The following AMY2B variants were observed in gnomAD, a reference collection of about 807,000 sequenced individuals.
The protein encoded by AMY2B is amylase alpha 2B, also known as alpha-amylase 2B.
Under a neutral mutation model 59.3 loss-of-function variants are expected in AMY2B, and 63 were observed. That is an observed-to-expected ratio of 1.06 (90% CI 0.87 to 1.31). The LOEUF (loss-of-function observed/expected upper bound fraction) is 1.31. AMY2B is among the 50% of genes most tolerant of loss of function. The pLI is 0.00. For missense variants in AMY2B, 635 were observed against 626.7 expected (o/e 1.01, Z -0.14); for synonymous variants, 180 against 198.1 (o/e 0.91, Z 0.77).
chr1:103,555,002 C>T (rs982823763), exon 1 of AMY2B: 2 of 151,998 alleles, frequency 1.3e-5, no homozygotes, highest in African/African-American at 2.4e-5. Flanking sequence ...TGTTATACTT[C>T]CTATTTTTAA....
rs1652405663 is a variant in AMY2B at position 103,577,507 on chromosome 1, T to G, written c.1119T>G (p.Val373=). 6.2e-7 allele frequency: 1 copy of G among 1,611,914 alleles called. No individual in the cohort carries two copies. ...TAATTAAGGATGTTAATGATTGGGTTGGGCCACCAAATAATAATGGAGTAA... is the reference window on the plus strand; with the variant it reads ...TAATTAAGGATGTTAATGATTGGGTGGGGCCACCAAATAATAATGGAGTAA... ...FQNGNDVNDW[V]GPPNNNGVIK... The change falls in exon 8 of 10, where the codon GTT becomes GTG. Residue 373 remains valine, a synonymous_variant. Transcript: ENST00000684275.
At chr1:103,572,871 G>C (rs1239054902) in intron 2 of AMY2B, among the ~76,000 whole-genome samples, 192 bp from the exon 3 acceptor site, 1 of 152,156 alleles carries the variant, frequency 6.6e-6, no homozygotes, top group Non-Finnish European at 1.5e-5. Context: ...ATTTGACCAA[G>C]TGTCTAGAAG....
intron 9 of AMY2B, among the ~76,000 whole-genome samples, chr1:103,578,994 G>T (rs1265554723): frequency 2.0e-5 from 3 of 152,108 alleles, no homozygotes; most frequent in Non-Finnish European, 4.4e-5. Context: ...ATTAAGTTCA[G>T]TTGAGAACAA....
Position 103,571,755 on chromosome 1 carries a change from A to T in AMY2B, c.153A>T (p.Gly51=), listed in dbSNP as rs1652141018. Residue 51 remains glycine (G), a synonymous_variant, in exon 1 of 10, where the codon GGA becomes GGT. Coordinates refer to ENST00000684275, the MANE Select transcript of AMY2B (RefSeq NM_001387437.1). Reference sequence around the variant, plus strand: ...GTGAGCGATATTTAGCTCCCAAGGGATTTGGAGGGGTTCAGGTGGGTATGA... The same window carrying T: ...GTGAGCGATATTTAGCTCCCAAGGGTTTTGGAGGGGTTCAGGTGGGTATGA... ...LECERYLAPK[G]FGGVQVSPPN... is the part of the protein sequence containing the mutation. 1 of 1,611,792 alleles carries T rather than the reference A, an allele frequency of 6.2e-7. No homozygotes were observed. Among genetic ancestry groups the T allele is most frequent in the Non-Finnish European group, 8.5e-7 (1 of 1,179,830 alleles).
At chr1:103,571,262 T>C, upstream of AMY2B, 1 of 708,842 alleles carries the variant, frequency 1.4e-6, no homozygotes, top group Non-Finnish European at 2.0e-6. Context: ...TAAAGTTTTT[T>C]TGTATGCAAT....
intron 1 of AMY2B, among the ~76,000 whole-genome samples, chr1:103,564,775 T>C (rs1340357556): frequency 1.3e-5 from 2 of 152,166 alleles, no homozygotes; most frequent in Admixed American, 6.6e-5. Flanking sequence ...AAACTACCAA[T>C]TCTCTGCTTC....
intron 7 of AMY2B, among the ~76,000 whole-genome samples, chr1:103,576,565 C>T (rs1652361750): frequency 6.6e-6 from 1 of 151,992 alleles, no homozygotes; most frequent in African/African-American, 2.4e-5. Context: ...GAAAAACTTC[C>T]TAGGGTTACT....
intron 1 of AMY2B, among the ~76,000 whole-genome samples, chr1:103,555,800 G>A (rs1423758228): frequency 6.6e-6 from 1 of 152,094 alleles, no homozygotes; most frequent in African/African-American, 2.4e-5. Flanking sequence ...GGTTGTTAAT[G>A]GAGGGCAATG....
At chr1:103,572,983 A>C (rs1652194962) in intron 2 of AMY2B, 80 bp from the exon 3 acceptor site, 3 of 1,607,466 alleles carry the variant, frequency 1.9e-6, no homozygotes, top group Non-Finnish European at 2.5e-6. Context: ...TTTTATTAAC[A>C]TACTATAAAC....
chr1:103,566,561 A>G (rs1224352295), intron 2 of AMY2B, among the ~76,000 whole-genome samples: 1 of 152,078 alleles, frequency 6.6e-6, no homozygotes, highest in Non-Finnish European at 1.5e-5. Context: ...TACACTTACT[A>G]CTCATCTCTG....
chr1:103,571,377 C>T (rs1652123756), upstream of AMY2B: 1 of 1,146,258 alleles, frequency 8.7e-7, no homozygotes, highest in African/African-American at 1.6e-5. Context: ...AAAAGTGCTG[C>T]CAGAACCAAA....
chr1:103,570,007 A>T, upstream of AMY2B: 1 of 445,214 alleles, frequency 2.2e-6, no homozygotes, highest in South Asian at 1.9e-5. Context: ...TGGCATTGTC[A>T]TGGGCTTTGG....
Position 103,554,922 on chromosome 1 carries a change from A to G in AMY2B, c.-394A>G, listed in dbSNP as rs141380262. 5.9e-5 allele frequency: 9 copies of G among 152,364 alleles called. No individual in the cohort carries two copies. The East Asian group carries it at 1.7e-3, about 29-fold the overall frequency. 9.4% of individuals were successfully genotyped at this position (152,364 alleles called of 1,614,324 possible). On this transcript the variant is annotated 5_prime_UTR_variant, in exon 1 of 12. Transcript: ENST00000361355. ...GGTTTATTTAGATAAATTTTGTTAT[A>G]CTGACATGATTCACTAATTTTCTAA...
chr1:103,559,902 T>C (rs183194549), intron 1 of AMY2B, among the ~76,000 whole-genome samples: 237 of 152,310 alleles, frequency 1.6e-3, no homozygotes, highest in African/African-American at 5.5e-3. Context: ...AAAAATGTGC[T>C]TCAAGTTTCA....
At position 103,571,660 on chromosome 1, in the gene AMY2B, A is replaced by G. The variant is rs765464468; in HGVS notation, c.58A>G (p.Asn20Asp). 44 of 1,611,806 alleles carry G rather than the reference A, an allele frequency of 2.7e-5. No homozygotes were observed. The highest frequency in any genetic ancestry group is 8.3e-5 in the Admixed American group (5 of 59,994). Residue 20 changes from asparagine (N) to aspartate (D), a missense_variant, in exon 1 of 10, where the codon AAT (asparagine) becomes GAT (aspartate). Coordinates refer to ENST00000684275, the MANE Select transcript of AMY2B (RefSeq NM_001387437.1). ...IGFCWAQYSP[N>D]TQQGRTSIVH... ...GTTCTGCTGGGCTCAGTATTCCCCA[A>G]ATACACAACAAGGACGGACATCTAT...
In AMY2B at chr1:103,571,971, T is replaced by G. The variant is rs575982160; in HGVS notation, c.169-139T>G. On this transcript the variant is annotated intron_variant, in intron 1 of 9. Coordinates refer to ENST00000684275, the MANE Select transcript of AMY2B (RefSeq NM_001387437.1). Reference sequence around the variant, plus strand: ...GATAATCTTTCTTCAACAAGAGCCCTCCAATGTGCTGTTAATATTTTCAAG... The same window carrying G: ...GATAATCTTTCTTCAACAAGAGCCCGCCAATGTGCTGTTAATATTTTCAAG... 2.8e-4 allele frequency: 433 copies of G among 1,539,404 alleles called. 4 individuals are homozygous for G. In the Middle Eastern group the frequency reaches 4.1e-3, roughly 15 times the overall value.
In AMY2B at chr1:103,572,257, G is replaced by A. The variant is rs1210263602; in HGVS notation, c.315+1G>A. 2 of 1,608,822 alleles carry A rather than the reference G, an allele frequency of 1.2e-6. No individual in the cohort carries two copies. The highest frequency in any genetic ancestry group is 2.7e-5 in the African/African-American group (2 of 74,792). ...GGTGACTAGATGTAACAATGTTGGGGTAAGTGAATTCTAGTTTCCTTGAAA... is the reference window on the plus strand; with the variant it reads ...GGTGACTAGATGTAACAATGTTGGGATAAGTGAATTCTAGTTTCCTTGAAA... On this transcript the variant is annotated splice_donor_variant, in intron 2 of 9. Transcript: ENST00000684275. LOFTEE classifies it high-confidence loss of function.
intron 9 of AMY2B, 52 bp downstream of exon 9, chr1:103,577,897 T>C (rs1323214900): frequency 1.9e-6 from 3 of 1,590,652 alleles, no homozygotes; most frequent in African/African-American, 2.7e-5. Context: ...GCTCTTGGTT[T>C]ATTCCTTTTT....
chr1:103,566,694 A>G (rs778165034), upstream of AMY2B, among the ~76,000 whole-genome samples: 53 of 152,118 alleles, frequency 3.5e-4, no homozygotes, highest in Non-Finnish European at 5.9e-4. Context: ...TTGACTTGCA[A>G]TCAGACTTAT....
Sources: allele counts gnomAD v4.1 joint callset (sites outside exome capture counted in the v4.1 genomes callset), GRCh38; gene constraint gnomAD v4.1.1; transcripts MANE v1.5; gene names NCBI Gene and HGNC (gene_info 2026-07-23, HGNC 2026-07-21).